Variants in ZNG1B observed in about 807,000 individuals in gnomAD.
ZNG1B encodes zinc-regulated GTPase metalloprotein activator 1B.
chr2:113,445,719 T>C, the ZNG1B span, among the ~76,000 whole-genome samples: 1 of 148,884 alleles, frequency 6.7e-6, no homozygotes, highest in African/African-American at 2.5e-5. Context: ...AAATAACTTT[T>C]AGATAAAATC....
chr2:113,443,087 G>GC, the ZNG1B span, among the ~76,000 whole-genome samples: 1 of 151,540 alleles, frequency 6.6e-6, no homozygotes, highest in African/African-American at 2.4e-5. Context: ...TCCTGCCTCA[G>GC]CCGCCTGAGT....
At chr2:113,484,874 A>T in the ZNG1B span, among the ~76,000 whole-genome samples, 1 of 150,354 alleles carries the variant, frequency 6.7e-6, no homozygotes, top group Admixed American at 6.6e-5. Context: ...GGGTTTCACC[A>T]TGTTGGCCAA....
At chr2:113,466,959 G>A in the ZNG1B span, 1 of 163,214 alleles carries the variant, frequency 6.1e-6, no homozygotes, top group South Asian at 2.0e-4. Context: ...AGCTACTCAG[G>A]AGGCTGAGGC....
the ZNG1B span, among the ~76,000 whole-genome samples, chr2:113,438,859 C>G: frequency 5.9e-5 from 9 of 152,196 alleles, no homozygotes; most frequent in African/African-American, 1.9e-4. Context: ...CTAGTTGTTG[C>G]TAGAGACAGG....
chr2:113,486,775 A>G, the ZNG1B span, among the ~76,000 whole-genome samples: 3 of 152,250 alleles, frequency 2.0e-5, no homozygotes, highest in Non-Finnish European at 2.9e-5. Flanking sequence ...TATTAAGTTA[A>G]AATCTTTAAC....
chr2:113,438,009 C>T, the ZNG1B span: 1 of 1,611,926 alleles, frequency 6.2e-7, no homozygotes, highest in East Asian at 2.2e-5. Flanking sequence ...TCACAATTAT[C>T]ACCGGGTATT....
the ZNG1B span, among the ~76,000 whole-genome samples, chr2:113,439,535 A>G: frequency 2.6e-5 from 4 of 152,098 alleles, no homozygotes; most frequent in African/African-American, 4.8e-5. Context: ...AGCCTTAATG[A>G]TCTTTATAAA....
At chr2:113,437,895 T>A in the ZNG1B span, 16 of 1,611,794 alleles carry the variant, frequency 9.9e-6, no homozygotes, top group Non-Finnish European at 1.4e-5. Flanking sequence ...GATCTGCGGA[T>A]GAGGAGGAGG....
chr2:113,445,788 A>G, the ZNG1B span, among the ~76,000 whole-genome samples: 1 of 129,784 alleles, frequency 7.7e-6, no homozygotes, highest in Non-Finnish European at 1.6e-5. Flanking sequence ...AATCTGACCC[A>G]TACCATTATT....
chr2:113,441,126 A>G, the ZNG1B span, among the ~76,000 whole-genome samples: 10,057 of 152,198 alleles, frequency 0.066, 407 homozygotes, highest in Non-Finnish European at 0.1. Flanking sequence ...AACTGTTTCA[A>G]CTTGTAGGAG....
chr2:113,446,025 A>G, the ZNG1B span, among the ~76,000 whole-genome samples: 1 of 151,894 alleles, frequency 6.6e-6, no homozygotes, highest in African/African-American at 2.4e-5. Flanking sequence ...TGGTCCTTAT[A>G]GTAGGCATGG....
chr2:113,438,953 A>C, the ZNG1B span: 3 of 1,525,050 alleles, frequency 2.0e-6, no homozygotes, highest in South Asian at 3.8e-5. Context: ...GTAGACTGTA[A>C]GTTTATTCCC....
chr2:113,458,386 G>A, the ZNG1B span, among the ~76,000 whole-genome samples: 4 of 151,932 alleles, frequency 2.6e-5, no homozygotes, highest in African/African-American at 7.2e-5. Flanking sequence ...CTTTCCTATG[G>A]GCATAGAAGA....
the ZNG1B span, among the ~76,000 whole-genome samples, chr2:113,486,805 G>A: frequency 2.3e-3 from 356 of 152,264 alleles, 2 homozygotes; most frequent in African/African-American, 8.0e-3. Flanking sequence ...ATTTGGAGTC[G>A]TATTTTGCGA....
chr2:113,474,478 C>T, the ZNG1B span, among the ~76,000 whole-genome samples: 1 of 150,246 alleles, frequency 6.7e-6, no homozygotes, highest in Non-Finnish European at 1.5e-5. Context: ...TTTTTTGTGT[C>T]TCTATTTCCT....
chr2:113,450,697 G>A, the ZNG1B span, among the ~76,000 whole-genome samples: 4 of 145,102 alleles, frequency 2.8e-5, no homozygotes, highest in African/African-American at 1.0e-4. Flanking sequence ...TTCCCTGTAT[G>A]TGTGTGTTTC....
the ZNG1B span, among the ~76,000 whole-genome samples, chr2:113,467,140 G>A: frequency 6.6e-6 from 1 of 150,972 alleles, no homozygotes; most frequent in Non-Finnish European, 1.5e-5. Context: ...CAGAAGTTTT[G>A]TTTTATTTTT....
chr2:113,493,104 T>G, the ZNG1B span, among the ~76,000 whole-genome samples: 55 of 132,526 alleles, frequency 4.2e-4, no homozygotes, highest in African/African-American at 1.4e-3. Context: ...CAATACATGA[T>G]GATGTCACCC....
At chr2:113,476,452 G>A in the ZNG1B span, among the ~76,000 whole-genome samples, 12 of 149,924 alleles carry the variant, frequency 8.0e-5, no homozygotes, top group African/African-American at 2.5e-4. Flanking sequence ...CCCATAGCTC[G>A]GAGTAGTTTG....
Sources: allele counts gnomAD v4.1 joint callset (sites outside exome capture counted in the v4.1 genomes callset), GRCh38; gene constraint gnomAD v4.1.1; transcripts MANE v1.5; gene names NCBI Gene and HGNC (gene_info 2026-07-23, HGNC 2026-07-21).